Variants in LHFPL6 observed in about 807,000 individuals in gnomAD.
The protein encoded by LHFPL6 is LHFPL tetraspan subfamily member 6 protein.
LHFPL6 carries 9 observed loss-of-function variants against 20.6 expected under a neutral mutation model. That is an observed-to-expected ratio of 0.44 (90% CI 0.26 to 0.76). LHFPL6 has a LOEUF of 0.76. Ranked by LOEUF, LHFPL6 falls within the 30% of genes least tolerant of loss-of-function variation. LHFPL6 has a pLI of 0.20. For synonymous variants in LHFPL6, 105 were observed against 98.7 expected, an observed-to-expected ratio of 1.06 and a Z score of -0.38; for missense variants, 218 against 253.5, an observed-to-expected ratio of 0.86 and a Z score of 0.95.
intron 2 of LHFPL6, among the ~76,000 whole-genome samples, chr13:39,574,212 G>A (rs932363443): frequency 6.6e-6 from 1 of 152,200 alleles, no homozygotes; most frequent in Non-Finnish European, 1.5e-5. Flanking sequence ...GCCGGGCGCG[G>A]TGGCTCACGC....
At chr13:39,467,351 T>G (rs1301029850) in intron 2 of LHFPL6, among the ~76,000 whole-genome samples, 1 of 152,160 alleles carries the variant, frequency 6.6e-6, no homozygotes, top group Non-Finnish European at 1.5e-5. Context: ...CCAACTATTT[T>G]CAACATTCAT....
intron 3 of LHFPL6, among the ~76,000 whole-genome samples, chr13:39,369,623 C>CCT (rs1870115306): frequency 8.2e-5 from 12 of 146,636 alleles, no homozygotes; most frequent in South Asian, 2.2e-4. Flanking sequence ...CCCTTCCTTC[C>CCT]CCCTTTCCTT....
chr13:39,349,749 T>A (rs1049761383), intron 3 of LHFPL6, among the ~76,000 whole-genome samples: 1 of 152,092 alleles, frequency 6.6e-6, no homozygotes, highest in Non-Finnish European at 1.5e-5. Flanking sequence ...AGAAGTGAGA[T>A]CTAAGCCAAG....
intron 3 of LHFPL6, among the ~76,000 whole-genome samples, chr13:39,344,828 G>A (rs924793115): frequency 6.6e-6 from 1 of 152,214 alleles, no homozygotes; most frequent in African/African-American, 2.4e-5. Context: ...AGCATTTAAA[G>A]AAGTTGGTGA....
At chr13:39,573,424 A>T (rs553053877) in intron 2 of LHFPL6, among the ~76,000 whole-genome samples, 1 of 152,344 alleles carries the variant, frequency 6.6e-6, no homozygotes, top group East Asian at 1.9e-4. Flanking sequence ...TAATTGGAAG[A>T]TCTTAATGAA....
intron 2 of LHFPL6, among the ~76,000 whole-genome samples, chr13:39,588,576 CCAT>C (rs952116887): frequency 2.0e-5 from 3 of 152,192 alleles, no homozygotes; most frequent in Admixed American, 2.0e-4. Flanking sequence ...GTATGACACA[CCAT>C]CGTTTCAACA....
At chr13:39,546,701 T>C (rs768159402) in intron 2 of LHFPL6, among the ~76,000 whole-genome samples, 22 of 152,122 alleles carry the variant, frequency 1.4e-4, no homozygotes, top group East Asian at 1.9e-4. Context: ...TCCTCACTTA[T>C]GGCAGCCAAT....
At chr13:39,597,945 G>A (rs1233967464) in intron 2 of LHFPL6, among the ~76,000 whole-genome samples, 1 of 152,230 alleles carries the variant, frequency 6.6e-6, no homozygotes, top group Non-Finnish European at 1.5e-5. Flanking sequence ...GACACAGCAG[G>A]CGGGGTTAAG....
chr13:39,557,181 A>ACCCAGAAG (rs1292957728), intron 2 of LHFPL6, among the ~76,000 whole-genome samples: 1 of 152,100 alleles, frequency 6.6e-6, no homozygotes, highest in Non-Finnish European at 1.5e-5. Flanking sequence ...CCCATCACAA[A>ACCCAGAAG]CCCAGAAGCC....
At chr13:39,375,923 A>T (rs749308378) in intron 3 of LHFPL6, among the ~76,000 whole-genome samples, 6 of 152,134 alleles carry the variant, frequency 3.9e-5, no homozygotes, top group Non-Finnish European at 8.8e-5. Flanking sequence ...GGAAATTTAG[A>T]AACGCATGAT....
chr13:39,460,096 C>A (rs2138428073), intron 2 of LHFPL6, among the ~76,000 whole-genome samples: 1 of 152,226 alleles, frequency 6.6e-6, no homozygotes, highest in East Asian at 1.9e-4. Context: ...ATAGAAATTT[C>A]TCTTCTCATG....
chr13:39,580,455 A>T (rs1029140256), intron 2 of LHFPL6, among the ~76,000 whole-genome samples: 7 of 152,244 alleles, frequency 4.6e-5, no homozygotes, highest in Non-Finnish European at 8.8e-5. Context: ...CAGCTAGCTA[A>T]GGAAATGCAG....
chr13:39,477,953 T>C (rs1334559353), intron 2 of LHFPL6, among the ~76,000 whole-genome samples: 1 of 152,218 alleles, frequency 6.6e-6, no homozygotes. Flanking sequence ...AAAAAGAATG[T>C]GATACAATTA....
chr13:39,350,097 CG>C (rs1471056820), intron 3 of LHFPL6, among the ~76,000 whole-genome samples: 2 of 152,108 alleles, frequency 1.3e-5, no homozygotes, highest in African/African-American at 4.8e-5. Flanking sequence ...GAAACGCAGC[CG>C]GGAACAATAC....
At chr13:39,596,217 A>G (rs1054002981) in intron 2 of LHFPL6, among the ~76,000 whole-genome samples, 1 of 152,202 alleles carries the variant, frequency 6.6e-6, no homozygotes, top group Non-Finnish European at 1.5e-5. Flanking sequence ...GAAATGGAAC[A>G]AGAATGTGCT....
At chr13:39,587,429 T>C (rs1373938384) in intron 2 of LHFPL6, among the ~76,000 whole-genome samples, 1 of 152,148 alleles carries the variant, frequency 6.6e-6, no homozygotes, top group East Asian at 1.9e-4. Context: ...AGTCACAATG[T>C]CACTCCTGCC....
intron 2 of LHFPL6, among the ~76,000 whole-genome samples, chr13:39,594,011 C>T (rs1872692516): frequency 6.6e-6 from 1 of 151,078 alleles, no homozygotes; most frequent in Non-Finnish European, 1.5e-5. Flanking sequence ...ACCATAAAAA[C>T]CCTAGAAGAA....
intron 2 of LHFPL6, among the ~76,000 whole-genome samples, chr13:39,549,967 G>A (rs1871099693): frequency 6.6e-6 from 1 of 152,038 alleles, no homozygotes; most frequent in African/African-American, 2.4e-5. Flanking sequence ...TCCTGAGGCT[G>A]GGAGGTTGGG....
At chr13:39,379,467 T>C (rs908302552) in intron 2 of LHFPL6, among the ~76,000 whole-genome samples, 1 of 152,156 alleles carries the variant, frequency 6.6e-6, no homozygotes. Flanking sequence ...AGGTGCTAAA[T>C]GACAGAGCCC....
Sources: gnomAD v4.1 joint callset for allele counts (sites outside exome capture counted in the v4.1 genomes callset) on GRCh38, gnomAD v4.1.1 for gene constraint, MANE v1.5 for transcripts, NCBI Gene and HGNC (gene_info 2026-07-23, HGNC 2026-07-21) for gene names.